Variants in TRAPPC9 observed in about 807,000 individuals in gnomAD.
TRAPPC9 encodes IKK2 binding protein.
Under a neutral mutation model 124.0 loss-of-function variants are expected in TRAPPC9, and 83 were observed. The ratio of observed to expected loss-of-function variants is 0.67; its 90% confidence interval spans 0.56 to 0.80. The LOEUF is 0.80. Among genes scored for constraint, TRAPPC9 ranks in the 30% least tolerant of loss-of-function variants. The pLI is 0.00. For missense variants in TRAPPC9, 1,302 were observed against 1,508.3 expected, an observed-to-expected ratio of 0.86 and a Z score of 2.27; for synonymous variants, 638 against 617.5, an observed-to-expected ratio of 1.03 and a Z score of -0.49.
chr8:139,793,690 T>C (rs1178488704), intron 21 of TRAPPC9, among the ~76,000 whole-genome samples: 1 of 152,078 alleles, frequency 6.6e-6, no homozygotes, highest in African/African-American at 2.4e-5. Context: ...TGGCCTGGGT[T>C]CAGAGGCTGT....
chr8:140,054,989 C>T (rs1295683333), intron 17 of TRAPPC9, among the ~76,000 whole-genome samples: 1 of 152,200 alleles, frequency 6.6e-6, no homozygotes, highest in Non-Finnish European at 1.5e-5. Context: ...TAATTCCAAT[C>T]CTTCTCAACT....
intron 19 of TRAPPC9, among the ~76,000 whole-genome samples, chr8:139,937,089 G>A (rs34437426): frequency 0.13 from 18,036 of 140,482 alleles, 1,952 homozygotes; most frequent in South Asian, 0.21. Context: ...GAGAGAGTGG[G>A]GCTGGACTTC....
At chr8:140,215,440 C>T (rs1341772301) in intron 17 of TRAPPC9, among the ~76,000 whole-genome samples, 2 of 151,810 alleles carry the variant, frequency 1.3e-5, no homozygotes, top group African/African-American at 4.8e-5. Context: ...CTCCGGAGTT[C>T]GGGACCAGCC....
At chr8:139,848,313 A>T (rs964683809) in intron 21 of TRAPPC9, among the ~76,000 whole-genome samples, 32 of 152,244 alleles carry the variant, frequency 2.1e-4, no homozygotes, top group African/African-American at 7.5e-4. Flanking sequence ...ACTGAAGCCC[A>T]TGTTGCCTCT....
At chr8:140,173,296 T>C (rs768758588) in intron 17 of TRAPPC9, among the ~76,000 whole-genome samples, 9 of 152,182 alleles carry the variant, frequency 5.9e-5, no homozygotes, top group Non-Finnish European at 8.8e-5. Context: ...GGCTCATGCC[T>C]GTAATCCCAA....
chr8:139,770,131 G>T (rs568029479), intron 21 of TRAPPC9, among the ~76,000 whole-genome samples: 2 of 152,366 alleles, frequency 1.3e-5, no homozygotes, highest in Admixed American at 6.5e-5. Context: ...CATCTGCACT[G>T]CAGGTCTCTT....
chr8:140,346,436 C>G (rs1236356215), intron 9 of TRAPPC9, among the ~76,000 whole-genome samples: 1 of 152,246 alleles, frequency 6.6e-6, no homozygotes, highest in Non-Finnish European at 1.5e-5. Flanking sequence ...ATTATCCGAA[C>G]AGTACTCCTA....
intron 14 of TRAPPC9, among the ~76,000 whole-genome samples, chr8:140,280,849 C>A (rs2065290421): frequency 6.6e-6 from 1 of 152,218 alleles, no homozygotes; most frequent in Non-Finnish European, 1.5e-5. Flanking sequence ...CTGTGTCCTG[C>A]CACTAGAGAC....
chr8:139,809,841 A>G (rs895288051), intron 21 of TRAPPC9, among the ~76,000 whole-genome samples: 2 of 152,130 alleles, frequency 1.3e-5, no homozygotes, highest in African/African-American at 2.4e-5. Context: ...CCCACATGCC[A>G]GCCCCTGAGG....
At chr8:139,961,150 G>A (rs1176276205) in intron 19 of TRAPPC9, among the ~76,000 whole-genome samples, 4 of 124,564 alleles carry the variant, frequency 3.2e-5, no homozygotes, top group African/African-American at 7.6e-5. Flanking sequence ...ATGTGTCCTC[G>A]GACAAACCCA....
intron 17 of TRAPPC9, among the ~76,000 whole-genome samples, chr8:140,085,342 A>G (rs1844118326): frequency 6.6e-6 from 1 of 151,572 alleles, no homozygotes; most frequent in African/African-American, 2.4e-5. Flanking sequence ...ACTGTTTAAA[A>G]AAAAAAAAAA....
intron 17 of TRAPPC9, among the ~76,000 whole-genome samples, chr8:140,073,988 C>G (rs1282705708): frequency 1.3e-5 from 2 of 152,128 alleles, no homozygotes; most frequent in Non-Finnish European, 2.9e-5. Flanking sequence ...GTCCATTGTC[C>G]AGGAGAAGAA....
intron 21 of TRAPPC9, among the ~76,000 whole-genome samples, chr8:139,743,175 C>T (rs1818670533): frequency 6.6e-6 from 1 of 152,174 alleles, no homozygotes; most frequent in African/African-American, 2.4e-5. Flanking sequence ...CTGTGGATTT[C>T]TTGTCCAACT....
At chr8:139,820,373 G>C (rs895530641) in intron 21 of TRAPPC9, among the ~76,000 whole-genome samples, 1 of 152,034 alleles carries the variant, frequency 6.6e-6, no homozygotes, top group African/African-American at 2.4e-5. Context: ...TAGAGACGGG[G>C]TTCCACCATG....
intron 15 of TRAPPC9, among the ~76,000 whole-genome samples, chr8:140,267,484 GCT>G (rs2064720568): frequency 6.6e-6 from 1 of 152,332 alleles, no homozygotes; most frequent in East Asian, 1.9e-4. Flanking sequence ...GGCAAGCATT[GCT>G]CTTAGTTCTT....
chr8:140,105,439 G>C (rs1224887176), intron 17 of TRAPPC9, among the ~76,000 whole-genome samples: 1 of 152,104 alleles, frequency 6.6e-6, no homozygotes, highest in Non-Finnish European at 1.5e-5. Flanking sequence ...CTTTCTTCCT[G>C]GAACTACTGG....
intron 17 of TRAPPC9, among the ~76,000 whole-genome samples, chr8:140,025,827 G>A (rs143415998): frequency 1.0e-3 from 154 of 152,270 alleles, no homozygotes; most frequent in African/African-American, 3.5e-3. Flanking sequence ...TTATATTCTT[G>A]TAATGTGGCA....
chr8:140,411,053 T>C (rs2069689909), intron 5 of TRAPPC9, among the ~76,000 whole-genome samples: 1 of 152,194 alleles, frequency 6.6e-6, no homozygotes, highest in Admixed American at 6.5e-5. Flanking sequence ...TGCAGCACCC[T>C]GTGTATTTAT....
At chr8:139,815,263 G>C (rs148154539) in intron 21 of TRAPPC9, among the ~76,000 whole-genome samples, 1 of 152,162 alleles carries the variant, frequency 6.6e-6, no homozygotes, top group Non-Finnish European at 1.5e-5. Context: ...CAGAAGGTGC[G>C]TGTCATCCTC....
Sources: gnomAD v4.1 joint callset for allele counts (sites outside exome capture counted in the v4.1 genomes callset) on GRCh38, gnomAD v4.1.1 for gene constraint, MANE v1.5 for transcripts, NCBI Gene and HGNC (gene_info 2026-07-23, HGNC 2026-07-21) for gene names.